BRD4: variants seen among roughly 807,000 people sequenced by gnomAD.
BRD4 encodes bromodomain-containing protein 4.
BRD4 carries 16 observed loss-of-function variants against 142.1 expected under a neutral mutation model. The ratio of observed to expected loss-of-function variants is 0.11; its 90% CI spans 0.08 to 0.17. The LOEUF is 0.17. Among genes scored for constraint, BRD4 ranks in the 10% least tolerant of loss-of-function variants. BRD4 has a pLI of 1.00. For missense variants in BRD4, 1,424 were observed against 1,810.9 expected (o/e 0.79, Z 3.88); for synonymous variants, 833 against 707.5 (o/e 1.18, Z -2.82).
chr19:15,250,056 C>A (rs1370662151), intron 11 of BRD4, among the ~76,000 whole-genome samples: 1 of 152,120 alleles, frequency 6.6e-6, no homozygotes, highest in African/African-American at 2.4e-5. Flanking sequence ...CGTAGCAGAG[C>A]GGATGCCTCT....
intron 13 of BRD4, 150 bp from the exon 14 acceptor site, chr19:15,243,637 C>A: frequency 7.5e-7 from 1 of 1,338,494 alleles, no homozygotes; most frequent in Non-Finnish European, 9.8e-7. Flanking sequence ...CGTGGCCTCC[C>A]ACAAACTCCA....
intron 11 of BRD4, among the ~76,000 whole-genome samples, chr19:15,250,597 C>G (rs1328690534): frequency 6.6e-6 from 1 of 152,190 alleles, no homozygotes; most frequent in African/African-American, 2.4e-5. Context: ...TCCAACTAGA[C>G]GACCAGACCA....
chr19:15,255,960 G>T, intron 9 of BRD4, 104 bp downstream of exon 9: 1 of 1,450,168 alleles, frequency 6.9e-7, no homozygotes, highest in Non-Finnish European at 9.4e-7. Context: ...CAGAGGGGCA[G>T]CCTCCGCACC....
At chr19:15,245,152 G>C (rs2047274407) in intron 11 of BRD4, among the ~76,000 whole-genome samples, 1 of 152,232 alleles carries the variant, frequency 6.6e-6, no homozygotes, top group African/African-American at 2.4e-5. Context: ...TGTGATGGTT[G>C]CAATGGTCAC....
intron 1 of BRD4, among the ~76,000 whole-genome samples, chr19:15,328,280 TA>T (rs955446632): frequency 4.9e-4 from 75 of 151,746 alleles, no homozygotes; most frequent in African/African-American, 1.1e-3. Context: ...GTTCAATGTT[TA>T]AAAAAAAACT....
intron 7 of BRD4, among the ~76,000 whole-genome samples, chr19:15,262,746 G>A (rs8107865): frequency 0.029 from 4,444 of 151,944 alleles, 165 homozygotes; most frequent in African/African-American, 0.086. Context: ...AAAAAAAATA[G>A]AAAAGATGAT....
At chr19:15,330,596 G>C (rs2048148535) in intron 1 of BRD4, among the ~76,000 whole-genome samples, 2 of 152,014 alleles carry the variant, frequency 1.3e-5, no homozygotes, top group Non-Finnish European at 2.9e-5. Context: ...TGAAACCCGC[G>C]TCTCTCCTAA....
At position 15,238,330 on chromosome 19, in the gene BRD4, G is replaced by A. The variant is rs1481806986; in HGVS notation, c.*47C>T. On this transcript the variant is annotated 3_prime_UTR_variant, in exon 20 of 20. Coordinates refer to ENST00000679869, the MANE Select transcript of BRD4 (RefSeq NM_001379291.1). The surrounding 1 kb of genome is among the most constrained non-coding windows in gnomAD (Gnocchi z 7.2). Reference sequence around the variant, plus strand: ...ACCACCGCCCCTAACACTATGGAAAGTCAATGTTTTGCCAGAAAATCAAAG... The same window carrying A: ...ACCACCGCCCCTAACACTATGGAAAATCAATGTTTTGCCAGAAAATCAAAG... 3 of 1,612,684 alleles carry A rather than the reference G, an allele frequency of 1.9e-6. No homozygotes were observed. The highest frequency in any genetic ancestry group is 2.5e-6 in the Non-Finnish European group (3 of 1,179,140).
chr19:15,277,678 T>TAA (rs1345701673), intron 1 of BRD4, among the ~76,000 whole-genome samples: 1 of 148,208 alleles, frequency 6.7e-6, no homozygotes, highest in Non-Finnish European at 1.5e-5. Flanking sequence ...TGGTCCCAGC[T>TAA]ACTCAGGAGG....
At chr19:15,289,792 G>C (rs368339740) in intron 1 of BRD4, among the ~76,000 whole-genome samples, 1 of 152,158 alleles carries the variant, frequency 6.6e-6, no homozygotes, top group Non-Finnish European at 1.5e-5. Context: ...AAGTGTGCTT[G>C]TAAGGACACT....
At chr19:15,332,116 G>A (rs2048166652) in intron 1 of BRD4, among the ~76,000 whole-genome samples, 174 bp downstream of exon 1, 4 of 146,034 alleles carry the variant, frequency 2.7e-5, no homozygotes, top group East Asian at 2.0e-4. Flanking sequence ...AACGGCGCGG[G>A]AGGCCCGCAG....
Position 15,236,979 on chromosome 19 carries a change from G to A in BRD4, c.*1398C>T, listed in dbSNP as rs2047196639. The A allele has an allele frequency of 9.8e-6, 2 of 203,896 alleles. No individual in the cohort carries two copies. The highest frequency in any genetic ancestry group is 7.3e-5 in the East Asian group (1 of 13,792). 12.6% of individuals were successfully genotyped at this position (203,896 alleles called of 1,614,324 possible). A position where few individuals can be genotyped will look rare whatever the true frequency, so the allele number is the denominator to read the frequency against. ...TCGTGGTGTAGAGTGGGTTCTCATG[G>A]CACGCGTAACCTCACCAGGGGCTCC... On this transcript the variant is annotated 3_prime_UTR_variant, in exon 20 of 20. Coordinates refer to ENST00000679869, the MANE Select transcript of BRD4 (RefSeq NM_001379291.1).
At chr19:15,326,590 G>A (rs937333224) in intron 1 of BRD4, among the ~76,000 whole-genome samples, 2 of 152,198 alleles carry the variant, frequency 1.3e-5, no homozygotes, top group African/African-American at 2.4e-5. Flanking sequence ...GGGATTAAGA[G>A]ATCATTTTTA....
intron 1 of BRD4, among the ~76,000 whole-genome samples, chr19:15,330,161 A>ATCCG (rs2048144485): frequency 6.6e-6 from 1 of 152,298 alleles, no homozygotes; most frequent in Non-Finnish European, 1.5e-5. Flanking sequence ...AGATACTCGG[A>ATCCG]GGTGGACTCG....
At chr19:15,288,742 G>A (rs1003758132) in intron 1 of BRD4, among the ~76,000 whole-genome samples, 2 of 152,262 alleles carry the variant, frequency 1.3e-5, no homozygotes, top group Admixed American at 6.5e-5. Context: ...AGCCGTGGCG[G>A]GTGCCTGCCC....
rs1157848753 is a variant in BRD4 at position 15,256,081 on chromosome 19, G to C, written c.1734C>G (p.Ser578Arg). Residue 578 changes from serine (S) to arginine (R), a missense_variant, in exon 9 of 20, where the codon AGC (serine) becomes AGG (arginine). This residue lies in a region of BRD4 where 86 missense variants were observed against 78.9 expected (regional missense o/e 1.09). Coordinates refer to ENST00000679869, the MANE Select transcript of BRD4 (RefSeq NM_001379291.1). ...ACACAGACCTCACATTGCTGTTGCT[G>C]CTATTATTTTTCTTCGTCTTTTTAG... ...PPPKKTKKNNSSNSNVSKKEP... is the reference protein window; with the variant it reads ...PPPKKTKKNNRSNSNVSKKEP... 6.2e-7 allele frequency: 1 copy of C among 1,611,568 alleles called. No homozygotes were observed. Among genetic ancestry groups the C allele is most frequent in the Non-Finnish European group, 8.5e-7 (1 of 1,179,864 alleles).
intron 1 of BRD4, among the ~76,000 whole-genome samples, chr19:15,325,416 T>G (rs1310538471): frequency 6.6e-6 from 1 of 152,146 alleles, no homozygotes; most frequent in African/African-American, 2.4e-5. Context: ...GGGCTCGTAC[T>G]GCCGGGTCAG....
intron 1 of BRD4, among the ~76,000 whole-genome samples, chr19:15,326,222 G>A (rs2048107263): frequency 6.6e-6 from 1 of 150,514 alleles, no homozygotes; most frequent in African/African-American, 2.4e-5. Flanking sequence ...CAGCACTTTG[G>A]GACGCCGAGG....
intron 4 of BRD4, 89 bp downstream of exon 4, chr19:15,267,327 C>A: frequency 6.7e-7 from 1 of 1,500,234 alleles, no homozygotes; most frequent in Admixed American, 1.9e-5. Flanking sequence ...AATGTCACAT[C>A]CTCCTGCCAC....
Sources: gnomAD v4.1 joint callset for allele counts (sites outside exome capture counted in the v4.1 genomes callset) on GRCh38, gnomAD v4.1.1 for gene constraint, gnomAD v4.1.1 regional missense constraint, Gnocchi (gnomAD v3.1) non-coding constraint, MANE v1.5 for transcripts, NCBI Gene and HGNC (gene_info 2026-07-23, HGNC 2026-07-21) for gene names.